The following CDH20 variants were observed in gnomAD, a reference collection of about 807,000 sequenced individuals.
CDH20 encodes the protein cadherin 20.
CDH20 carries 29 observed loss-of-function variants against 74.2 expected under a neutral mutation model. The ratio of observed to expected loss-of-function variants is 0.39; its 90% CI spans 0.29 to 0.53. The LOEUF is 0.53. Among genes scored for constraint, CDH20 ranks in the 20% least tolerant of loss-of-function variants. The pLI, the probability that CDH20 is intolerant of heterozygous loss-of-function variation, is 0.69. For synonymous variants in CDH20, 469 were observed against 405.4 expected (o/e 1.16, Z -1.88); for missense variants, 988 against 1,048.3 (o/e 0.94, Z 0.79).
chr18:61,531,881 C>T (rs753318915), intron 7 of CDH20, among the ~76,000 whole-genome samples: 10 of 152,296 alleles, frequency 6.6e-5, no homozygotes, highest in Admixed American at 2.0e-4. Context: ...CTTTCCACTA[C>T]GATTGTAAGT....
intron 7 of CDH20, among the ~76,000 whole-genome samples, chr18:61,534,369 C>T (rs181146734): frequency 1.3e-5 from 2 of 152,306 alleles, no homozygotes; most frequent in East Asian, 3.9e-4. Flanking sequence ...TCCAACAATC[C>T]CATTTCTGGG....
chr18:61,554,607 G>C lies in CDH20; in HGVS notation c.2318G>C (p.Ser773Thr), dbSNP rs1555685801. ...LQSATSDSEQSFDFLTDWGPR... is the reference protein window; with the variant it reads ...LQSATSDSEQTFDFLTDWGPR... ...TCGGCCACGTCGGACTCGGAACAGAGCTTCGACTTCCTGACGGACTGGGGG... is the reference window on the plus strand; with the variant it reads ...TCGGCCACGTCGGACTCGGAACAGACCTTCGACTTCCTGACGGACTGGGGG... Residue 773 changes from serine (S) to threonine (T), a missense_variant, in exon 12 of 12, where the codon AGC becomes ACC. Transcript: ENST00000262717. The C allele has an allele frequency of 4.4e-6, 7 of 1,608,304 alleles. No individual in the cohort carries two copies. In the Admixed American group the frequency reaches 5.0e-5, roughly 12 times the overall value.
chr18:61,340,680 A>C (rs1259757924), intron 1 of CDH20, among the ~76,000 whole-genome samples: 1 of 152,172 alleles, frequency 6.6e-6, no homozygotes, highest in Non-Finnish European at 1.5e-5. Context: ...TATCATATTC[A>C]CGATTGTTTC....
intron 1 of CDH20, among the ~76,000 whole-genome samples, chr18:61,463,966 G>C (rs1909870074): frequency 6.6e-6 from 1 of 152,110 alleles, no homozygotes; most frequent in African/African-American, 2.4e-5. Context: ...GAAACACCTT[G>C]TTAGCTATCC....
At chr18:61,438,393 C>T (rs530127873) in intron 1 of CDH20, among the ~76,000 whole-genome samples, 1 of 152,012 alleles carries the variant, frequency 6.6e-6, no homozygotes, top group South Asian at 2.1e-4. Flanking sequence ...TCCCAAACAC[C>T]TGTGCTCCTG....
intron 6 of CDH20, among the ~76,000 whole-genome samples, chr18:61,516,105 C>G (rs1911994045): frequency 6.6e-6 from 1 of 152,104 alleles, no homozygotes; most frequent in South Asian, 2.1e-4. Flanking sequence ...CACTAGGGCA[C>G]TTATAAGGTG....
At chr18:61,511,853 T>G (rs1241272678) in intron 6 of CDH20, among the ~76,000 whole-genome samples, 1 of 152,220 alleles carries the variant, frequency 6.6e-6, no homozygotes, top group Non-Finnish European at 1.5e-5. Context: ...CCAAGGTCAC[T>G]TTGATTTCTC....
intron 1 of CDH20, among the ~76,000 whole-genome samples, chr18:61,373,133 C>A (rs1400896712): frequency 6.6e-6 from 1 of 151,068 alleles, no homozygotes; most frequent in African/African-American, 2.4e-5. Context: ...TTGTCTTACA[C>A]AGATGGCATG....
At position 61,413,038 on chromosome 18, in the gene CDH20, G is replaced by A. The variant is rs577680336; in HGVS notation, c.-152-77364G>A. 1.8e-4 allele frequency among the ~76,000 whole-genome samples: 27 copies of A among 152,292 alleles called. No individual in the cohort carries two copies. The South Asian group carries it at 3.3e-3, about 19-fold the overall frequency. ...ACAACAAAAAATGAAGTCAGGAGAC[G>A]GAGACGAATCCCTGAACTAAAGCAG... On this transcript the variant is annotated intron_variant, in intron 1 of 11. Coordinates refer to ENST00000262717, the MANE Select transcript of CDH20 (RefSeq NM_031891.4).
chr18:61,424,352 C>T (rs779540990), intron 1 of CDH20, among the ~76,000 whole-genome samples: 7 of 152,212 alleles, frequency 4.6e-5, no homozygotes, highest in Non-Finnish European at 1.0e-4. Context: ...GCACTGAAGA[C>T]TTGCCTGCCA....
At chr18:61,394,097 C>A (rs1911882368) in intron 1 of CDH20, among the ~76,000 whole-genome samples, 1 of 152,150 alleles carries the variant, frequency 6.6e-6, no homozygotes, top group South Asian at 2.1e-4. Flanking sequence ...CTACCTCCCC[C>A]AAGTTCAGGC....
rs1599042411 is a variant in CDH20 at position 61,372,426 on chromosome 18, T to A, written c.-153+38599T>A. 2.0e-5 allele frequency among the ~76,000 whole-genome samples: 3 copies of A among 152,110 alleles called. No homozygotes were observed. In the East Asian group the frequency reaches 5.8e-4, roughly 29 times the overall value. ...ATAAAGTAACGGGTATTTCAGCATGTAAATACTCAGGAAATACTTTATCAG... is the reference window on the plus strand; with the variant it reads ...ATAAAGTAACGGGTATTTCAGCATGAAAATACTCAGGAAATACTTTATCAG... On this transcript the variant is annotated intron_variant, in intron 1 of 11. Coordinates refer to ENST00000262717, the MANE Select transcript of CDH20 (RefSeq NM_031891.4).
intron 1 of CDH20, among the ~76,000 whole-genome samples, chr18:61,383,074 A>C (rs2144184171): frequency 6.6e-6 from 1 of 152,292 alleles, no homozygotes; most frequent in Non-Finnish European, 1.5e-5. Flanking sequence ...ATTTAAGTAA[A>C]CATAGAAGTA....
chr18:61,448,980 T>C (rs944963860), intron 1 of CDH20, among the ~76,000 whole-genome samples: 10 of 152,202 alleles, frequency 6.6e-5, no homozygotes, highest in Admixed American at 6.5e-5. Context: ...GCTGATGATA[T>C]CAGATGAACA....
rs765658757 is a variant in CDH20 at position 61,394,066 on chromosome 18, G to A, written c.-153+60239G>A. ...ACTTGTGTTTTAGGCATCTGAGTTTGTCATACTTTACCCACTCTCTCTACC... is the reference window on the plus strand; with the variant it reads ...ACTTGTGTTTTAGGCATCTGAGTTTATCATACTTTACCCACTCTCTCTACC... On this transcript the variant is annotated intron_variant, in intron 1 of 11. Transcript: ENST00000262717. Among the ~76,000 whole-genome samples, 6 of 152,212 alleles carry A rather than the reference G, an allele frequency of 3.9e-5. No homozygotes were observed. The East Asian group carries it at 1.2e-3, about 29-fold the overall frequency.
At chr18:61,422,856 T>C (rs1912932263) in intron 1 of CDH20, among the ~76,000 whole-genome samples, 2 of 152,188 alleles carry the variant, frequency 1.3e-5, no homozygotes, top group South Asian at 4.1e-4. Flanking sequence ...AAACTGTCCA[T>C]GACTCATCTA....
At chr18:61,505,324 G>A (rs998601803) in intron 5 of CDH20, among the ~76,000 whole-genome samples, 4 of 143,216 alleles carry the variant, frequency 2.8e-5, no homozygotes, top group Admixed American at 7.5e-5. Context: ...TCTTGCCTCC[G>A]AAACCAATAT....
At position 61,490,803 on chromosome 18, in the gene CDH20, A is replaced by G; in HGVS notation, c.246+4A>G. On this transcript the variant is annotated splice_donor_region_variant and intron_variant, in intron 2 of 11. Transcript: ENST00000262717. ...CGACCCTTTGTATGTCGGCAAGGTA[A>G]GAAATGCCAAGTAGAAATGACCCGG... is the stretch of plus-strand genomic sequence containing the variant. 3 of 1,613,742 alleles carry G rather than the reference A, an allele frequency of 1.9e-6. No individual in the cohort carries two copies. Among genetic ancestry groups the G allele is most frequent in the South Asian group, 1.1e-5 (1 of 91,066 alleles).
chr18:61,354,574 A>T (rs1393059448), intron 1 of CDH20, among the ~76,000 whole-genome samples: 1 of 152,054 alleles, frequency 6.6e-6, no homozygotes, highest in Admixed American at 6.6e-5. Context: ...GCACCACTGC[A>T]CTCCAGACTG....
Sources: gnomAD v4.1 joint callset for allele counts (sites outside exome capture counted in the v4.1 genomes callset) on GRCh38, gnomAD v4.1.1 for gene constraint, MANE v1.5 for transcripts, NCBI Gene and HGNC (gene_info 2026-07-23, HGNC 2026-07-21) for gene names.